PTPRD: variants seen among roughly 807,000 people sequenced by gnomAD.
The protein encoded by PTPRD is protein tyrosine phosphatase receptor type D, also known as receptor-type tyrosine-protein phosphatase delta.
In PTPRD, 34 loss-of-function variants were observed where a neutral mutation model predicts 214.5. The ratio of observed to expected loss-of-function variants is 0.16; its 90% CI spans 0.12 to 0.21. The LOEUF (loss-of-function observed/expected upper bound fraction) is 0.21. Among genes scored for constraint, PTPRD ranks in the 10% least tolerant of loss-of-function variants. PTPRD has a pLI of 1.00. For synonymous variants in PTPRD, 1,128 were observed against 845.7 expected (o/e 1.33, Z -5.79); for missense variants, 2,545 against 2,398.7 (o/e 1.06, Z -1.27).
chr9:8,475,999 A>G (rs2096756886), intron 30 of PTPRD, among the ~76,000 whole-genome samples: 1 of 152,230 alleles, frequency 6.6e-6, no homozygotes, highest in African/African-American at 2.4e-5. Flanking sequence ...CTCTTAGGAT[A>G]AAGACTGAAA....
intron 7 of PTPRD, among the ~76,000 whole-genome samples, chr9:9,613,122 G>GTATATATATATA (rs1331223781): frequency 1.5e-5 from 1 of 68,126 alleles, no homozygotes; most frequent in African/African-American, 8.5e-5. Flanking sequence ...CTAGGCTGCA[G>GTATATATATATA]TATACATACA....
chr9:8,852,735 G>A (rs1318787837), intron 11 of PTPRD, among the ~76,000 whole-genome samples: 1 of 152,118 alleles, frequency 6.6e-6, no homozygotes, highest in Non-Finnish European at 1.5e-5. Context: ...GACAGCAGAG[G>A]TTAAAAAGCC....
chr9:9,932,377 C>T (rs1357147936), intron 5 of PTPRD, among the ~76,000 whole-genome samples: 11 of 143,806 alleles, frequency 7.6e-5, no homozygotes, highest in African/African-American at 2.1e-4. Flanking sequence ...CAGAGAAGTG[C>T]TTAAAGGAGC....
At chr9:9,828,832 C>T (rs190606745) in intron 5 of PTPRD, among the ~76,000 whole-genome samples, 71 of 151,658 alleles carry the variant, frequency 4.7e-4, no homozygotes, top group African/African-American at 1.6e-3. Flanking sequence ...GCATTTCATG[C>T]TAGAAAGAAG....
intron 21 of PTPRD, 117 bp downstream of exon 21, chr9:8,517,731 C>T (rs2097808446): frequency 2.4e-6 from 2 of 845,658 alleles, no homozygotes; most frequent in South Asian, 3.6e-5. Context: ...GCTTTGAAGC[C>T]CTAAATCTCA....
chr9:9,413,708 T>C (rs968875337), intron 8 of PTPRD, among the ~76,000 whole-genome samples: 3 of 152,208 alleles, frequency 2.0e-5, no homozygotes, highest in Non-Finnish European at 4.4e-5. Flanking sequence ...GGTCAATACA[T>C]AAAGTTTCTT....
chr9:10,223,653 G>C (rs1594687012), intron 3 of PTPRD, among the ~76,000 whole-genome samples: 1 of 145,544 alleles, frequency 6.9e-6, no homozygotes, highest in Middle Eastern at 3.6e-3. Flanking sequence ...TTGGGTGACA[G>C]AATGAGATTC....
intron 11 of PTPRD, among the ~76,000 whole-genome samples, chr9:8,793,727 C>T (rs1430404860): frequency 6.6e-6 from 1 of 152,044 alleles, no homozygotes; most frequent in Non-Finnish European, 1.5e-5. Context: ...AGACTGACAA[C>T]ATTTGCGCAT....
intron 8 of PTPRD, among the ~76,000 whole-genome samples, chr9:9,566,536 C>A (rs568568534): frequency 2.6e-5 from 4 of 151,954 alleles, no homozygotes; most frequent in African/African-American, 7.2e-5. Flanking sequence ...CAGTTTTACA[C>A]AATAATACCT....
At chr9:9,156,463 T>C (rs1286032292) in intron 10 of PTPRD, among the ~76,000 whole-genome samples, 2 of 151,378 alleles carry the variant, frequency 1.3e-5, no homozygotes, top group Non-Finnish European at 1.5e-5. Context: ...AATACTTTTA[T>C]ATAAGTATAT....
chr9:10,466,270 T>C (rs2131503888), intron 2 of PTPRD, among the ~76,000 whole-genome samples: 1 of 152,250 alleles, frequency 6.6e-6, no homozygotes, highest in Middle Eastern at 3.4e-3. Context: ...ATGGAGTCAG[T>C]ATTTGAATGC....
intron 8 of PTPRD, among the ~76,000 whole-genome samples, chr9:9,415,223 C>G (rs1304220444): frequency 6.6e-6 from 1 of 152,126 alleles, no homozygotes; most frequent in Non-Finnish European, 1.5e-5. Context: ...TTCCTGTAAT[C>G]CCAGCACTTT....
intron 3 of PTPRD, among the ~76,000 whole-genome samples, chr9:10,115,892 G>A (rs1047054088): frequency 6.6e-6 from 1 of 151,972 alleles, no homozygotes; most frequent in South Asian, 2.1e-4. Context: ...ACATTCCTAA[G>A]TAAAAACAAA....
At chr9:8,447,807 A>G (rs2095794020) in intron 34 of PTPRD, among the ~76,000 whole-genome samples, 1 of 152,120 alleles carries the variant, frequency 6.6e-6, no homozygotes, top group Non-Finnish European at 1.5e-5. Flanking sequence ...CACAAATGAC[A>G]TTTATGTGAA....
intron 39 of PTPRD, among the ~76,000 whole-genome samples, chr9:8,373,525 G>A (rs2082151857): frequency 1.3e-5 from 2 of 151,830 alleles, no homozygotes. Context: ...TATTAGCTCA[G>A]CACATTCATC....
chr9:10,113,766 T>G (rs1313706147), intron 3 of PTPRD, among the ~76,000 whole-genome samples: 1 of 152,174 alleles, frequency 6.6e-6, no homozygotes, highest in Non-Finnish European at 1.5e-5. Context: ...CACCTGGAGA[T>G]CATATTAAAA....
intron 12 of PTPRD, among the ~76,000 whole-genome samples, chr9:8,718,371 G>A (rs555597166): frequency 1.5e-4 from 23 of 152,080 alleles, no homozygotes; most frequent in East Asian, 5.8e-4. Flanking sequence ...AATACCCCTC[G>A]TTTCCCTCTC....
rs866980874 is a variant in PTPRD at position 8,633,320 on chromosome 9, G to A, written c.349C>T (p.Arg117Trp). 1 of 1,610,554 alleles carries A rather than the reference G, an allele frequency of 6.2e-7. No homozygotes were observed. Among genetic ancestry groups the A allele is most frequent in the Non-Finnish European group, 8.5e-7 (1 of 1,178,238 alleles). ...ISVSTRLTVL[R>W]EDQIPRGFPT... ...CAACCTTCACTTGAGCACTTACCCC[G>A]CAAAACTGTGAGTCTGGTGGATACA... is the stretch of plus-strand genomic sequence containing the variant. Residue 117 changes from arginine to tryptophan, a missense_variant, in exon 14 of 46, where the codon CGG becomes TGG. Physicochemically the swap from Arg to Trp is moderately radical, Grantham distance 101. Transcript: ENST00000381196.
chr9:9,229,156 G>C lies in PTPRD; in HGVS notation c.-202-45793C>G, dbSNP rs895254561. Among the ~76,000 whole-genome samples, 5 of 151,848 alleles carry C rather than the reference G, an allele frequency of 3.3e-5. No homozygotes were observed. In the South Asian group the frequency reaches 1.0e-3, roughly 32 times the overall value. Reference sequence around the variant, plus strand: ...TATCACATTTTATTGCTATATTCTTGGTCTAAATATAGACATTTTAAAAAA... The same window carrying C: ...TATCACATTTTATTGCTATATTCTTCGTCTAAATATAGACATTTTAAAAAA... On this transcript the variant is annotated intron_variant, in intron 9 of 45. Coordinates refer to ENST00000381196, the MANE Select transcript of PTPRD (RefSeq NM_002839.4).
Sources: allele counts gnomAD v4.1 joint callset (sites outside exome capture counted in the v4.1 genomes callset), GRCh38; gene constraint gnomAD v4.1.1; transcripts MANE v1.5; gene names NCBI Gene and HGNC (gene_info 2026-07-23, HGNC 2026-07-21).